IGF1R: variants seen among roughly 807,000 people sequenced by gnomAD.
The protein encoded by IGF1R is insulin-like growth factor 1 receptor.
In IGF1R, 44 loss-of-function variants were observed where a neutral mutation model predicts 144.6. The observed-to-expected ratio is 0.30, with a 90% CI of 0.24 to 0.39. The LOEUF is 0.39. IGF1R is among the 10% of genes least tolerant of loss of function. The pLI, the probability that IGF1R is intolerant of heterozygous loss-of-function variation, is 1.00. For missense variants in IGF1R, 1,355 were observed against 1,833.7 expected (o/e 0.74, Z 4.77); for synonymous variants, 795 against 722.8 (o/e 1.10, Z -1.60).
chr15:98,877,507 TTTTTTTC>T (rs2013119853), intron 2 of IGF1R, among the ~76,000 whole-genome samples: 1 of 145,168 alleles, frequency 6.9e-6, no homozygotes, highest in Non-Finnish European at 1.5e-5. Flanking sequence ...TTTTTTTTTT[TTTTTTTC>T]CCCAAAAAAT....
In IGF1R at chr15:98,649,525, C is replaced by CTTTT. The variant is rs544674838; in HGVS notation, c.-36_-33dup. ...TCATTTCCTTTTTTTCTTTTCTTTT[C>CTTTT]TTTTTTTTTTTTTTTTTTTTTTTTG... On this transcript the variant is annotated 5_prime_UTR_variant, in exon 1 of 21. Transcript: ENST00000650285. 1.0e-3 allele frequency: 755 copies of CTTTT among 725,944 alleles called. 5 individuals carry two copies. Among genetic ancestry groups the CTTTT allele is most frequent in the South Asian group, 2.8e-3 (160 of 56,146 alleles). The allele number at this position is 725,944 out of a possible 1,614,324, so 45.0% of individuals were successfully genotyped here. A position where few individuals can be genotyped will look rare whatever the true frequency, so the allele number is the denominator to read the frequency against.
chr15:98,649,549 TGAGAAAGGGGAA>T lies in IGF1R; in HGVS notation c.-32_-21del. The stretch of plus-strand genomic sequence containing the variant: ...TCTTTTTTTTTTTTTTTTTTTTTTT[TGAGAAAGGGGAA>T]TTTCATCCCAAATAAAAGGAATGAA... On this transcript the variant is annotated 5_prime_UTR_variant, in exon 1 of 21. Transcript: ENST00000650285. The T allele has an allele frequency of 2.6e-5, 17 of 651,902 alleles. No homozygotes were observed. The highest frequency in any genetic ancestry group is 7.2e-5 in the South Asian group (3 of 41,626). The allele number at this position is 651,902 out of a possible 1,614,324, so 40.4% of individuals were successfully genotyped here. A position where few individuals can be genotyped will look rare whatever the true frequency, so the allele number is the denominator to read the frequency against.
chr15:98,817,490 A>G (rs977830123), intron 2 of IGF1R, among the ~76,000 whole-genome samples: 1 of 152,004 alleles, frequency 6.6e-6, no homozygotes, highest in Non-Finnish European at 1.5e-5. Context: ...GGGGTGCTGT[A>G]TTACGCTGGG....
chr15:98,702,586 C>T (rs2053762391), intron 1 of IGF1R, among the ~76,000 whole-genome samples: 1 of 152,154 alleles, frequency 6.6e-6, no homozygotes, highest in African/African-American at 2.4e-5. Flanking sequence ...CCTTGGGCTA[C>T]CAGAGTGCTG....
chr15:98,650,821 A>G, intron 1 of IGF1R: 1 of 781,328 alleles, frequency 1.3e-6, no homozygotes, highest in Non-Finnish European at 1.6e-6. Flanking sequence ...GTTAATAAGC[A>G]GTGTCGCTCC....
chr15:98,847,044 T>C (rs958181400), intron 2 of IGF1R, among the ~76,000 whole-genome samples: 2 of 152,268 alleles, frequency 1.3e-5, no homozygotes, highest in South Asian at 4.1e-4. Context: ...TAGCATGATC[T>C]CGGCTCACTG....
intron 15 of IGF1R, among the ~76,000 whole-genome samples, chr15:98,933,730 C>T (rs1333475297): frequency 6.6e-6 from 1 of 152,206 alleles, no homozygotes; most frequent in East Asian, 1.9e-4. Context: ...AATCTCTACC[C>T]ATTGGTCAAG....
intron 2 of IGF1R, among the ~76,000 whole-genome samples, chr15:98,740,405 C>T (rs1032266020): frequency 6.6e-6 from 1 of 152,182 alleles, no homozygotes; most frequent in Admixed American, 6.5e-5. Flanking sequence ...GGATCTGAAG[C>T]TTTTAAGAAG....
chr15:98,835,072 A>AC (rs1038762634), intron 2 of IGF1R, among the ~76,000 whole-genome samples: 1 of 91,454 alleles, frequency 1.1e-5, no homozygotes, highest in African/African-American at 4.4e-5. Context: ...GCAAGAGAAC[A>AC]CCCCCCCTAC....
chr15:98,911,403 C>T lies in IGF1R; in HGVS notation c.1551C>T (p.Tyr517=), dbSNP rs759367525. The change falls in exon 7 of 21, where the codon TAC becomes TAT. Residue 517 remains tyrosine, a synonymous_variant. Transcript: ENST00000650285. ...ITWHRYRPPD[Y]RDLISFTVYY... The stretch of plus-strand genomic sequence containing the variant: ...GGCACCGGTACCGGCCCCCTGACTA[C>T]AGGGATCTCATCAGCTTCACCGTTT... The T allele has an allele frequency of 1.2e-6, 2 of 1,614,218 alleles. No individual in the cohort carries two copies. The highest frequency in any genetic ancestry group is 1.7e-5 in the Admixed American group (1 of 60,030).
chr15:98,956,970 T>C, intron 20 of IGF1R, 91 bp from the exon 21 acceptor site: 1 of 1,398,932 alleles, frequency 7.1e-7, no homozygotes, highest in Non-Finnish European at 1.0e-6. Flanking sequence ...CGTACGCTTG[T>C]ATGCGGGAAA....
chr15:98,664,875 C>G (rs866231605), intron 1 of IGF1R, among the ~76,000 whole-genome samples: 9 of 151,582 alleles, frequency 5.9e-5, no homozygotes, highest in African/African-American at 2.2e-4. Flanking sequence ...AAAAAAATAC[C>G]CTTTGGGTGT....
intron 2 of IGF1R, among the ~76,000 whole-genome samples, chr15:98,854,008 C>G (rs2011654568): frequency 6.6e-6 from 1 of 152,184 alleles, no homozygotes. Flanking sequence ...CGCCCTCTCC[C>G]ACAAGGAATA....
At chr15:98,769,944 G>C (rs749429388) in intron 2 of IGF1R, among the ~76,000 whole-genome samples, 8 of 151,994 alleles carry the variant, frequency 5.3e-5, no homozygotes, top group Admixed American at 1.3e-4. Context: ...GGATTATTCC[G>C]GTGAGTGTTA....
chr15:98,800,197 G>C (rs2056332318), intron 2 of IGF1R, among the ~76,000 whole-genome samples: 1 of 149,950 alleles, frequency 6.7e-6, no homozygotes. Flanking sequence ...AAAAGATGCT[G>C]GGCTGGGAGG....
At chr15:98,758,128 G>A (rs999823612) in intron 2 of IGF1R, among the ~76,000 whole-genome samples, 2 of 151,572 alleles carry the variant, frequency 1.3e-5, no homozygotes, top group Non-Finnish European at 1.5e-5. Context: ...TTGGGCGCTC[G>A]CATTTCTTCT....
chr15:98,880,443 C>T (rs1381067300), intron 2 of IGF1R, among the ~76,000 whole-genome samples: 1 of 152,158 alleles, frequency 6.6e-6, no homozygotes, highest in East Asian at 1.9e-4. Context: ...CTTAAGTGAT[C>T]CAGTGGGCAC....
chr15:98,711,937 T>G (rs1203885842), intron 2 of IGF1R, among the ~76,000 whole-genome samples: 1 of 152,192 alleles, frequency 6.6e-6, no homozygotes, highest in African/African-American at 2.4e-5. Flanking sequence ...TTTCACTGTC[T>G]TCACATGTTG....
intron 2 of IGF1R, among the ~76,000 whole-genome samples, chr15:98,750,201 G>C (rs183200182): frequency 6.6e-6 from 1 of 152,178 alleles, no homozygotes; most frequent in South Asian, 2.1e-4. Flanking sequence ...GCTGAGAAAG[G>C]CCTCACATCA....
Sources: gnomAD v4.1 joint callset for allele counts (sites outside exome capture counted in the v4.1 genomes callset) on GRCh38, gnomAD v4.1.1 for gene constraint, MANE v1.5 for transcripts, NCBI Gene and HGNC (gene_info 2026-07-23, HGNC 2026-07-21) for gene names.